CYP19A1: variants seen among roughly 807,000 people sequenced by gnomAD.
CYP19A1 encodes cytochrome P450 family 19 subfamily A member 1.
CYP19A1 carries 32 observed loss-of-function variants against 44.4 expected under a neutral mutation model. The ratio of observed to expected loss-of-function variants is 0.72; its 90% CI spans 0.54 to 0.97. CYP19A1 has a LOEUF of 0.97. Among genes scored for constraint, CYP19A1 ranks in the 50% least tolerant of loss-of-function variants. The pLI, the probability that CYP19A1 is intolerant of heterozygous loss-of-function variation, is 0.00. For synonymous variants in CYP19A1, 212 were observed against 215.6 expected (o/e 0.98, Z 0.14); for missense variants, 598 against 637.8 (o/e 0.94, Z 0.67).
At chr15:51,302,091 T>TACCTC (rs1336347380) in intron 1 of CYP19A1, among the ~76,000 whole-genome samples, 1 of 152,202 alleles carries the variant, frequency 6.6e-6, no homozygotes, top group Non-Finnish European at 1.5e-5. Flanking sequence ...TCTCATCAAG[T>TACCTC]ACCTCACTGT....
At chr15:51,214,916 T>A (rs2031414740) in intron 8 of CYP19A1, 154 bp downstream of exon 8, 6 of 1,193,562 alleles carry the variant, frequency 5.0e-6, no homozygotes, top group Non-Finnish European at 3.5e-6. Context: ...TTTCCGTCTA[T>A]CTGGTGTAAT....
At chr15:51,310,309 T>TATGGTG (rs2036289111) in intron 1 of CYP19A1, among the ~76,000 whole-genome samples, 1 of 152,188 alleles carries the variant, frequency 6.6e-6, no homozygotes, top group African/African-American at 2.4e-5. Flanking sequence ...GAATGACCAA[T>TATGGTG]ATGGTGATGG....
chr15:51,264,127 C>T (rs921226352), intron 1 of CYP19A1, among the ~76,000 whole-genome samples: 4 of 152,126 alleles, frequency 2.6e-5, no homozygotes, highest in Admixed American at 6.5e-5. Context: ...TTGGAAATCT[C>T]ATTGAGGCTG....
chr15:51,261,047 C>T (rs960112230), intron 1 of CYP19A1, among the ~76,000 whole-genome samples: 3 of 152,202 alleles, frequency 2.0e-5, no homozygotes, highest in African/African-American at 7.2e-5. Flanking sequence ...GTCCACTGAC[C>T]TTCTGATCCA....
rs185518082 is a variant in CYP19A1, at chr15:51,294,177, T to C, written c.-39+44318A>G. Among the ~76,000 whole-genome samples the C allele has an allele frequency of 6.8e-4, 89 of 130,700 alleles. 11 individuals are homozygous for C. In the East Asian group the frequency reaches 0.019, roughly 28 times the overall value. 85.7% of individuals were successfully genotyped at this position (130,700 alleles called of 152,430 possible). On this transcript the variant is annotated intron_variant, in intron 1 of 9. Coordinates refer to ENST00000396402, the MANE Select transcript of CYP19A1 (RefSeq NM_000103.4). ...AGCCCCTCTGCCTGGCTGCCCAGTCTGGAAAGTGAGGAGCGTCTCTGCCCG... is the reference window on the plus strand; with the variant it reads ...AGCCCCTCTGCCTGGCTGCCCAGTCCGGAAAGTGAGGAGCGTCTCTGCCCG...
intron 1 of CYP19A1, among the ~76,000 whole-genome samples, chr15:51,296,213 G>A (rs868603272): frequency 6.6e-6 from 1 of 152,098 alleles, no homozygotes; most frequent in Non-Finnish European, 1.5e-5. Context: ...TTTCATTTTA[G>A]CAGTAACCCT....
At position 51,233,322 on chromosome 15, in the gene CYP19A1, G is replaced by A. The variant is rs188642132; in HGVS notation, c.296+3537C>T. Among the ~76,000 whole-genome samples the A allele has an allele frequency of 3.5e-3, 530 of 152,248 alleles. 4 individuals are homozygous for A. Among genetic ancestry groups the A allele is most frequent in the African/African-American group, 0.012 (479 of 41,522 alleles). On this transcript the variant is annotated intron_variant, in intron 3 of 9. Coordinates refer to ENST00000396402, the MANE Select transcript of CYP19A1 (RefSeq NM_000103.4). ...ATCCTGGGAAAGGCCCTGGTCCCAG[G>A]CAAACTGAAACAATTGGTCACTCTA...
At chr15:51,309,602 G>A (rs1033601318) in intron 1 of CYP19A1, among the ~76,000 whole-genome samples, 1 of 152,184 alleles carries the variant, frequency 6.6e-6, no homozygotes, top group Non-Finnish European at 1.5e-5. Flanking sequence ...GTTAAAAACA[G>A]GTAATCTAGG....
intron 1 of CYP19A1, among the ~76,000 whole-genome samples, chr15:51,297,927 TA>T (rs2036034268): frequency 6.6e-6 from 1 of 150,564 alleles, no homozygotes; most frequent in South Asian, 2.1e-4. Flanking sequence ...AGGGGTATTA[TA>T]AAGAGGGGCA....
intron 1 of CYP19A1, among the ~76,000 whole-genome samples, chr15:51,325,188 A>T (rs1473459085): frequency 6.6e-6 from 1 of 152,044 alleles, no homozygotes. Context: ...ATCTCAAAAA[A>T]CATTCCCTGT....
At chr15:51,329,091 T>G (rs2036658833) in intron 1 of CYP19A1, among the ~76,000 whole-genome samples, 1 of 152,032 alleles carries the variant, frequency 6.6e-6, no homozygotes, top group Non-Finnish European at 1.5e-5. Flanking sequence ...TTATAATAAA[T>G]CTCTTTCTGT....
In CYP19A1 at chr15:51,284,273, T is replaced by G. The variant is rs558940474; in HGVS notation, c.-38-41323A>C. ...AAAGACCTATTTGCATAGTGACTAT[T>G]TAGGGAAAGGATTTTGAAGGACTAG... is the stretch of plus-strand genomic sequence containing the variant. On this transcript the variant is annotated intron_variant, in intron 1 of 9. Coordinates refer to ENST00000396402, the MANE Select transcript of CYP19A1 (RefSeq NM_000103.4). 6.6e-5 allele frequency among the ~76,000 whole-genome samples: 10 copies of G among 152,274 alleles called. No homozygotes were observed. In the East Asian group the frequency reaches 1.9e-3, roughly 29 times the overall value.
At chr15:51,254,684 C>A (rs1299868201) in intron 1 of CYP19A1, among the ~76,000 whole-genome samples, 1 of 152,098 alleles carries the variant, frequency 6.6e-6, no homozygotes, top group Non-Finnish European at 1.5e-5. Context: ...CCTTTCGGGT[C>A]GTCCATTCAC....
chr15:51,327,346 T>TG (rs749337666), intron 1 of CYP19A1, among the ~76,000 whole-genome samples: 8 of 152,290 alleles, frequency 5.3e-5, no homozygotes, highest in Non-Finnish European at 1.0e-4. Context: ...GTGAGCTGGC[T>TG]GGTAGAAAAC....
rs1222793015 is a variant in CYP19A1, at chr15:51,294,232, G to A, written c.-39+44263C>T. On this transcript the variant is annotated intron_variant, in intron 1 of 9. Transcript: ENST00000396402. ...CCATCCCATCTAGGAAGTGACGAGC[G>A]CCTCTTCCCGGCCACCATCCCATCT... 1.5e-5 allele frequency among the ~76,000 whole-genome samples: 2 copies of A among 135,728 alleles called. 1 individual carries two copies. Among genetic ancestry groups the A allele is most frequent in the African/African-American group, 6.8e-5 (2 of 29,626 alleles). The allele number at this position is 135,728 out of a possible 152,430, so 89.0% of individuals were successfully genotyped here. A position where few individuals can be genotyped will look rare whatever the true frequency, so the allele number is the denominator to read the frequency against.
chr15:51,264,155 A>G (rs1727989888), intron 1 of CYP19A1, among the ~76,000 whole-genome samples: 1 of 152,170 alleles, frequency 6.6e-6, no homozygotes, highest in Non-Finnish European at 1.5e-5. Context: ...GCTGTAGAGA[A>G]GGGACTTGAG....
intron 3 of CYP19A1, among the ~76,000 whole-genome samples, chr15:51,234,435 A>G (rs938219068): frequency 1.4e-4 from 21 of 152,190 alleles, no homozygotes; most frequent in African/African-American, 5.1e-4. Flanking sequence ...AATTAAGACT[A>G]GCGGAGTGGT....
Position 51,242,831 on chromosome 15 carries a change from C to T in CYP19A1, c.82G>A (p.Val28Ile). Reference sequence around the variant, plus strand: ...AGAAAAAGGCCAGTGAGGAGCAGGACTGGCATGGTGGCAGCAGGCATGGCT... The same window carrying T: ...AGAAAAAGGCCAGTGAGGAGCAGGATTGGCATGGTGGCAGCAGGCATGGCT... ...PEAMPAATMP[V>I]LLLTGLFLLV... The change falls in exon 2 of 10, where the codon GTC becomes ATC. Residue 28 changes from valine to isoleucine, a missense_variant. By Grantham distance (29) the Val-to-Ile change is conservative (BLOSUM62 3). Coordinates refer to ENST00000396402, the MANE Select transcript of CYP19A1 (RefSeq NM_000103.4). The T allele has an allele frequency of 6.3e-7, 1 of 1,590,268 alleles. No individual in the cohort carries two copies. The highest frequency in any genetic ancestry group is 1.1e-5 in the South Asian group (1 of 90,572).
intron 1 of CYP19A1, among the ~76,000 whole-genome samples, chr15:51,291,848 G>A (rs2035854335): frequency 6.6e-6 from 1 of 152,218 alleles, no homozygotes; most frequent in African/African-American, 2.4e-5. Context: ...AAGCAGCCAC[G>A]AGGGTAGAGG....
Sources: gnomAD v4.1 joint callset for allele counts (sites outside exome capture counted in the v4.1 genomes callset) on GRCh38, gnomAD v4.1.1 for gene constraint, MANE v1.5 for transcripts, NCBI Gene and HGNC (gene_info 2026-07-23, HGNC 2026-07-21) for gene names.